The following PRDM16 variants were observed in gnomAD, a reference collection of about 807,000 sequenced individuals.
The protein encoded by PRDM16 is histone-lysine N-methyltransferase PRDM16.
PRDM16 carries 23 observed loss-of-function variants against 110.6 expected under a neutral mutation model. That is an observed-to-expected ratio of 0.21 (90% confidence interval 0.15 to 0.29). The LOEUF (loss-of-function observed/expected upper bound fraction) is 0.29. Ranked by LOEUF, PRDM16 falls within the 10% of genes least tolerant of loss-of-function variation. The pLI is 1.00. For synonymous variants in PRDM16, 799 were observed against 781.8 expected, an observed-to-expected ratio of 1.02 and a Z score of -0.37; for missense variants, 1,615 against 1,794.3, an observed-to-expected ratio of 0.90 and a Z score of 1.81.
rs367559337 is a variant in PRDM16, at chr1:3,207,934, C to T, written c.387+21460C>T. 336 of 152,396 alleles carry T rather than the reference C, an allele frequency of 2.2e-3. 1 individual carries two copies. Among genetic ancestry groups the T allele is most frequent in the Non-Finnish European group, 3.6e-3 (245 of 68,086 alleles). The allele number at this position is 152,396 out of a possible 1,614,324, so 9.4% of individuals were successfully genotyped here. On this transcript the variant is annotated intron_variant, in intron 2 of 16. Transcript: ENST00000270722. ...CTTCATAAAGCAGCTGCTGGCACAG[C>T]GGCTGAGAAACCCAGGCGTGGACCC...
chr1:3,278,075 C>T lies in PRDM16; in HGVS notation c.438+33938C>T, dbSNP rs12023848. On this transcript the variant is annotated intron_variant, in intron 3 of 16. Coordinates refer to ENST00000270722, the MANE Select transcript of PRDM16 (RefSeq NM_022114.4). ...ACTGTGTCTGGGGTCATTCCTAATT[C>T]AAGTCTGAGACAGTGTGAAGGCTTC... 4.0e-4 allele frequency among the ~76,000 whole-genome samples: 61 copies of T among 152,362 alleles called. No homozygotes were observed. The East Asian group carries it at 0.011, about 28-fold the overall frequency.
At chr1:3,252,045 G>A (rs12409278) in intron 3 of PRDM16, among the ~76,000 whole-genome samples, 20,953 of 152,230 alleles carry the variant, frequency 0.14, 1,898 homozygotes, top group Admixed American at 0.3. Flanking sequence ...CTAGTGAGCC[G>A]GGTGGCGGGG....
chr1:3,125,740 G>C (rs943533133), intron 1 of PRDM16, among the ~76,000 whole-genome samples: 4 of 152,248 alleles, frequency 2.6e-5, no homozygotes, highest in Non-Finnish European at 5.9e-5. Context: ...TAACGAGTTT[G>C]GTCTGCGCGG....
intron 1 of PRDM16, among the ~76,000 whole-genome samples, chr1:3,115,593 G>A (rs1051611851): frequency 6.6e-5 from 10 of 152,214 alleles, no homozygotes; most frequent in Non-Finnish European, 5.9e-5. Context: ...GCCGGCCTCC[G>A]CCGTAAGCCT....
chr1:3,172,775 C>G (rs34030409), intron 1 of PRDM16, among the ~76,000 whole-genome samples: 7,977 of 152,238 alleles, frequency 0.052, 231 homozygotes, highest in Admixed American at 0.072. Context: ...AGAATGGTGG[C>G]TGCCGGGGCT....
intron 3 of PRDM16, among the ~76,000 whole-genome samples, chr1:3,292,738 T>C (rs563527734): frequency 6.6e-6 from 1 of 152,286 alleles, no homozygotes; most frequent in African/African-American, 2.4e-5. Flanking sequence ...GGTCACGGAA[T>C]TGGCGCGAAG....
At chr1:3,269,128 G>A (rs1449981691) in intron 3 of PRDM16, among the ~76,000 whole-genome samples, 1 of 152,260 alleles carries the variant, frequency 6.6e-6, no homozygotes, top group Non-Finnish European at 1.5e-5. Flanking sequence ...GGTGGCTCCA[G>A]GCCAGAGAGC....
At position 3,434,332 on chromosome 1, in the gene PRDM16, G is replaced by C. The variant is rs1329689951; in HGVS notation, c.*521G>C. 4.3e-6 allele frequency: 1 copy of C among 232,590 alleles called. No homozygotes were observed. The highest frequency in any genetic ancestry group is 2.2e-5 in the African/African-American group (1 of 45,290). The allele number at this position is 232,590 out of a possible 1,614,324, so 14.4% of individuals were successfully genotyped here. ...CAGTATTTTTTAAAAATCAAAAAAT[G>C]ACTTGCAAATTGTTTTTTAAAAGTA... On this transcript the variant is annotated 3_prime_UTR_variant, in exon 17 of 17. Transcript: ENST00000270722.
intron 9 of PRDM16, 107 bp downstream of exon 9, chr1:3,412,907 C>T: frequency 3.1e-6 from 3 of 969,150 alleles, no homozygotes; most frequent in East Asian, 3.1e-5. Flanking sequence ...CAAGGTCGTC[C>T]CCCGGCCTTT....
chr1:3,172,544 A>G (rs1159422201), intron 1 of PRDM16, among the ~76,000 whole-genome samples: 1 of 152,222 alleles, frequency 6.6e-6, no homozygotes, highest in African/African-American at 2.4e-5. Context: ...ATGTGGACAC[A>G]CCACAGTGTC....
intron 4 of PRDM16, among the ~76,000 whole-genome samples, chr1:3,395,105 G>A (rs562217451): frequency 7.2e-5 from 11 of 152,348 alleles, no homozygotes; most frequent in African/African-American, 2.4e-4. Flanking sequence ...TGTGACTTAT[G>A]TGTGTCTTTT....
At chr1:3,263,491 T>G (rs1640216683) in intron 3 of PRDM16, among the ~76,000 whole-genome samples, 1 of 152,222 alleles carries the variant, frequency 6.6e-6, no homozygotes, top group Non-Finnish European at 1.5e-5. Flanking sequence ...GGCCACTCAC[T>G]GGGATCGCAC....
intron 5 of PRDM16, among the ~76,000 whole-genome samples, chr1:3,396,963 T>C (rs1186953455): frequency 1.3e-5 from 2 of 152,194 alleles, no homozygotes; most frequent in Admixed American, 6.5e-5. Context: ...TTATTCTTAT[T>C]AGCAGCAGCA....
At chr1:3,105,115 A>G (rs553147147) in intron 1 of PRDM16, among the ~76,000 whole-genome samples, 1 of 152,224 alleles carries the variant, frequency 6.6e-6, no homozygotes, top group African/African-American at 2.4e-5. Context: ...GAGGAGAAGC[A>G]GGGCCATCCC....
intron 1 of PRDM16, among the ~76,000 whole-genome samples, chr1:3,074,106 G>T (rs1641834939): frequency 6.6e-6 from 1 of 152,216 alleles, no homozygotes; most frequent in African/African-American, 2.4e-5. Flanking sequence ...CGCCTGCCCA[G>T]TCTGATCCGC....
rs975172315 is a variant in PRDM16, at chr1:3,256,406, A to G, written c.438+12269A>G. ...CTCAGGTCAGCTGTGGACTTCGTTA[A>G]TAATAACGGGCTGATACTCGTTCAT... On this transcript the variant is annotated intron_variant, in intron 3 of 16. Transcript: ENST00000270722. 1.2e-4 allele frequency among the ~76,000 whole-genome samples: 19 copies of G among 152,294 alleles called. 1 individual carries two copies. Among genetic ancestry groups the G allele is most frequent in the Admixed American group, 5.9e-4 (9 of 15,300 alleles).
At chr1:3,287,514 C>T (rs1455067764) in intron 3 of PRDM16, among the ~76,000 whole-genome samples, 2 of 76,286 alleles carry the variant, frequency 2.6e-5, no homozygotes, top group African/African-American at 5.9e-5. Context: ...CGCCCCGCCA[C>T]GCGGGCATCC....
At chr1:3,405,147 C>T (rs548439663) in intron 7 of PRDM16, among the ~76,000 whole-genome samples, 136 of 152,294 alleles carry the variant, frequency 8.9e-4, no homozygotes, top group African/African-American at 3.1e-3. Flanking sequence ...CCTGTCCTCC[C>T]GCCGGTGTGG....
intron 3 of PRDM16, among the ~76,000 whole-genome samples, chr1:3,257,681 TTCAC>T (rs1166086645): frequency 6.6e-6 from 1 of 152,186 alleles, no homozygotes; most frequent in Non-Finnish European, 1.5e-5. Flanking sequence ...CATTTATTCA[TTCAC>T]TCACTCATTC....
Sources: allele counts gnomAD v4.1 joint callset (sites outside exome capture counted in the v4.1 genomes callset), GRCh38; gene constraint gnomAD v4.1.1; transcripts MANE v1.5; gene names NCBI Gene and HGNC (gene_info 2026-07-23, HGNC 2026-07-21).